The following NFASC variants were observed in gnomAD, a reference collection of about 807,000 sequenced individuals.
NFASC encodes the protein neurofascin homolog.
Under a neutral mutation model 147.5 loss-of-function variants are expected in NFASC, and 43 were observed. That is an observed-to-expected ratio of 0.29 (90% CI 0.23 to 0.38). NFASC has a LOEUF of 0.38. Ranked by LOEUF, NFASC falls within the 10% of genes least tolerant of loss-of-function variation. The pLI is 1.00. For missense variants in NFASC, 1,320 were observed against 1,689.0 expected, an observed-to-expected ratio of 0.78 and a Z score of 3.83; for synonymous variants, 622 against 665.5, an observed-to-expected ratio of 0.93 and a Z score of 1.01.
In NFASC at chr1:205,017,922, CCCTGCAAG is replaced by C. The variant is rs886295199; in HGVS notation, c.*1387_*1394del. 6.5e-5 allele frequency: 10 copies of C among 152,924 alleles called. No individual in the cohort carries two copies. The highest frequency in any genetic ancestry group is 2.4e-4 in the African/African-American group (10 of 41,456). 9.5% of individuals were successfully genotyped at this position (152,924 alleles called of 1,614,324 possible). ...GGAGTTCCCAGGTTCCCAGCTCCCC[CCCTGCAAG>C]CCTTGAAGCCTCCAGCAACGTCTAT... On this transcript the variant is annotated 3_prime_UTR_variant, in exon 30 of 30. Transcript: ENST00000339876.
chr1:204,957,095 T>TA (rs1050455529), intron 7 of NFASC, among the ~76,000 whole-genome samples: 6 of 152,202 alleles, frequency 3.9e-5, no homozygotes, highest in African/African-American at 7.2e-5. Context: ...TTCTTAGGAA[T>TA]AAAAAACAAA....
At chr1:204,982,122 G>C (rs1214972089) in intron 21 of NFASC, 102 bp downstream of exon 21, 1 of 700,230 alleles carries the variant, frequency 1.4e-6, no homozygotes, top group Admixed American at 3.8e-5. Flanking sequence ...TGGGAGGACA[G>C]CCAGTTCCCA....
At chr1:204,970,360 G>T (rs1418106095) in intron 10 of NFASC, among the ~76,000 whole-genome samples, 1 of 152,132 alleles carries the variant, frequency 6.6e-6, no homozygotes, top group Non-Finnish European at 1.5e-5. Context: ...AAGCTCTTCA[G>T]GGGATTCTAG....
At chr1:204,988,074 C>T (rs2095651803) in intron 22 of NFASC, among the ~76,000 whole-genome samples, 3 of 152,238 alleles carry the variant, frequency 2.0e-5, no homozygotes, top group South Asian at 4.1e-4. Flanking sequence ...AGTGCCATTA[C>T]ATTTGAAACA....
chr1:204,953,008 A>C (rs1002974601), intron 5 of NFASC, among the ~76,000 whole-genome samples: 1 of 152,202 alleles, frequency 6.6e-6, no homozygotes, highest in African/African-American at 2.4e-5. Flanking sequence ...AGTCACCCTG[A>C]AGGGTTAGTC....
chr1:204,848,235 A>G (rs1222396369), intron 1 of NFASC, among the ~76,000 whole-genome samples: 1 of 152,024 alleles, frequency 6.6e-6, no homozygotes, highest in Non-Finnish European at 1.5e-5. Flanking sequence ...ACTTTTGGCA[A>G]TTTTGTATTT....
intron 1 of NFASC, among the ~76,000 whole-genome samples, chr1:204,914,193 C>A (rs943116193): frequency 1.3e-5 from 2 of 152,106 alleles, no homozygotes; most frequent in Admixed American, 6.5e-5. Context: ...GAGAAATGGG[C>A]AAATAATAGG....
intron 21 of NFASC, chr1:204,984,370 T>TGC: frequency 6.8e-6 from 1 of 147,048 alleles, no homozygotes; most frequent in South Asian, 1.3e-4. Flanking sequence ...TGTGTGTGTG[T>TGC]ATATATATAC....
Position 204,976,667 on chromosome 1 carries a change from G to T in NFASC, c.1707-4G>T, listed in dbSNP as rs376436556. ...CTCCCAACCCTTCCTCGGTACCTTT[G>T]CAGGATGAAGAAGGAAGACGACTCC... is the stretch of plus-strand genomic sequence containing the variant. On this transcript the variant is annotated splice_region_variant and splice_polypyrimidine_tract_variant and intron_variant, in intron 15 of 29. Coordinates refer to ENST00000339876, the MANE Select transcript of NFASC (RefSeq NM_001005388.3). 9 of 1,609,438 alleles carry T rather than the reference G, an allele frequency of 5.6e-6. No individual in the cohort carries two copies. In the African/African-American group the frequency reaches 1.2e-4, roughly 21 times the overall value.
At chr1:204,909,938 TC>T (rs1411938628) in intron 1 of NFASC, among the ~76,000 whole-genome samples, 4 of 152,132 alleles carry the variant, frequency 2.6e-5, no homozygotes, top group Non-Finnish European at 4.4e-5. Context: ...GTTCCATTGA[TC>T]TATGTGTCTC....
intron 1 of NFASC, among the ~76,000 whole-genome samples, chr1:204,870,386 G>T (rs984426014): frequency 2.0e-5 from 3 of 152,160 alleles, no homozygotes; most frequent in African/African-American, 4.8e-5. Context: ...GATGGAACAG[G>T]GTGGGTATTA....
At chr1:204,984,744 C>G (rs746945827) in intron 21 of NFASC, among the ~76,000 whole-genome samples, 1 of 152,116 alleles carries the variant, frequency 6.6e-6, no homozygotes, top group Non-Finnish European at 1.5e-5. Flanking sequence ...GTCCTCCCTG[C>G]CTGAGAGCAG....
intron 27 of NFASC, chr1:205,009,342 C>A (rs1199859103): frequency 2.1e-5 from 15 of 704,084 alleles, no homozygotes; most frequent in Non-Finnish European, 3.9e-5. Flanking sequence ...GTACCCCTTT[C>A]CTTTGCCTCT....
At chr1:204,905,110 G>T (rs1447987226) in intron 1 of NFASC, among the ~76,000 whole-genome samples, 2 of 151,764 alleles carry the variant, frequency 1.3e-5, no homozygotes, top group African/African-American at 2.4e-5. Context: ...TTTGAGATGA[G>T]GTCCTGCTAT....
Position 204,954,909 on chromosome 1 carries a change from C to G in NFASC, c.493C>G (p.Pro165Ala). 6.2e-7 allele frequency: 1 copy of G among 1,614,160 alleles called. No individual in the cohort carries two copies. Among genetic ancestry groups the G allele is most frequent in the Non-Finnish European group, 8.5e-7 (1 of 1,180,028 alleles). ...TCCTTTGACGCTCCAGTGCAACCCC[C>G]CGCCTGGACTTCCATCCCCGGTCAT... is the stretch of plus-strand genomic sequence containing the variant. Reference protein sequence around the residue: ...GAPLTLQCNPPPGLPSPVIFW... With the variant: ...GAPLTLQCNPAPGLPSPVIFW... The change falls in exon 7 of 30, where the codon CCG (proline) becomes GCG (alanine). Residue 165 changes from proline to alanine, a missense_variant. Pro to Ala is a conservative substitution (Grantham distance 27). Coordinates refer to ENST00000339876, the MANE Select transcript of NFASC (RefSeq NM_001005388.3). This position sits in a 1 kb window ranked among gnomAD's most constrained non-coding sequence, Gnocchi z 5.7.
chr1:204,987,782 T>G lies in NFASC; in HGVS notation c.2593+242T>G, dbSNP rs969757359. On this transcript the variant is annotated intron_variant, in intron 22 of 29. Coordinates refer to ENST00000339876, the MANE Select transcript of NFASC (RefSeq NM_001005388.3). This position sits in a 1 kb window ranked among gnomAD's most constrained non-coding sequence, Gnocchi z 4.4. Reference sequence around the variant, plus strand: ...GTCTCACTGATGAGACAAAGGGACCTCCAGTCTAATGAAGCAGACAGCCAT... The same window carrying G: ...GTCTCACTGATGAGACAAAGGGACCGCCAGTCTAATGAAGCAGACAGCCAT... 6.6e-6 allele frequency among the ~76,000 whole-genome samples: 1 copy of G among 152,154 alleles called. No individual in the cohort carries two copies. The highest frequency in any genetic ancestry group is 2.4e-5 in the African/African-American group (1 of 41,428).
intron 1 of NFASC, among the ~76,000 whole-genome samples, chr1:204,877,558 A>G (rs922802603): frequency 1.3e-5 from 2 of 151,640 alleles, no homozygotes; most frequent in African/African-American, 4.9e-5. Context: ...GGTATGTCTG[A>G]CCTCCCATCC....
At chr1:204,891,774 G>T (rs558455564) in intron 1 of NFASC, among the ~76,000 whole-genome samples, 1 of 152,158 alleles carries the variant, frequency 6.6e-6, no homozygotes, top group Non-Finnish European at 1.5e-5. Flanking sequence ...TCCTATGGGG[G>T]ACTCCTTGCA....
chr1:205,001,178 G>GAGCA lies in NFASC; in HGVS notation c.3029_3032dup (p.Ser1012AlafsTer13). 1 of 1,606,642 alleles carries GAGCA rather than the reference G, an allele frequency of 6.2e-7. No individual in the cohort carries two copies. The highest frequency in any genetic ancestry group is 8.5e-7 in the Non-Finnish European group (1 of 1,175,464). On this transcript the variant is annotated frameshift_variant, in exon 26 of 30. Coordinates refer to ENST00000339876, the MANE Select transcript of NFASC (RefSeq NM_001005388.3). LOFTEE classifies it high-confidence loss of function. ...TCTAACCCGTCCACCAGCCCCTGATGAGCAGTCCATATGGAACGTCACGGT... is the reference window on the plus strand; with the variant it reads ...TCTAACCCGTCCACCAGCCCCTGATGAGCAAGCAGTCCATATGGAACGTCACGGT...
Sources: allele counts gnomAD v4.1 joint callset (sites outside exome capture counted in the v4.1 genomes callset), GRCh38; gene constraint gnomAD v4.1.1; non-coding constraint Gnocchi (gnomAD v3.1); transcripts MANE v1.5; gene names NCBI Gene and HGNC (gene_info 2026-07-23, HGNC 2026-07-21).